Variants in IGF2BP2 observed in about 807,000 individuals in gnomAD.
IGF2BP2 encodes the protein insulin like growth factor 2 mRNA binding protein 2, also known as insulin-like growth factor 2 mRNA-binding protein 2.
A neutral mutation model predicts 75.8 loss-of-function variants in IGF2BP2; 17 were observed. The observed-to-expected ratio is 0.22, with a 90% CI of 0.15 to 0.34. The LOEUF (loss-of-function observed/expected upper bound fraction) is 0.34, where lower values mean the gene tolerates loss of function less well. Ranked by LOEUF, IGF2BP2 falls within the 10% of genes least tolerant of loss-of-function variation. IGF2BP2 has a pLI of 1.00. For missense variants in IGF2BP2, 516 were observed against 772.4 expected (o/e 0.67, Z 3.93); for synonymous variants, 288 against 295.6 (o/e 0.97, Z 0.26).
chr3:185,699,836 C>T (rs1006246641), intron 2 of IGF2BP2, among the ~76,000 whole-genome samples: 1 of 152,092 alleles, frequency 6.6e-6, no homozygotes, highest in Non-Finnish European at 1.5e-5. Flanking sequence ...AGAGGCTTTC[C>T]CCAAGACATC....
chr3:185,744,821 A>G (rs1183954172), intron 2 of IGF2BP2, among the ~76,000 whole-genome samples: 1 of 152,196 alleles, frequency 6.6e-6, no homozygotes, highest in Non-Finnish European at 1.5e-5. Flanking sequence ...AAAAGAAAAA[A>G]TTGGAATCAC....
chr3:185,680,914 A>G (rs1051550853), intron 7 of IGF2BP2, among the ~76,000 whole-genome samples: 3 of 152,228 alleles, frequency 2.0e-5, no homozygotes, highest in African/African-American at 7.2e-5. Flanking sequence ...ACACCCAACA[A>G]AATTAGGAAT....
At chr3:185,805,835 G>A (rs1738953452) in intron 2 of IGF2BP2, among the ~76,000 whole-genome samples, 1 of 149,658 alleles carries the variant, frequency 6.7e-6, no homozygotes, top group Non-Finnish European at 1.5e-5. Context: ...GCAGTGGCGT[G>A]ATCTCGGCTC....
chr3:185,762,064 T>C (rs1238338192), intron 2 of IGF2BP2, among the ~76,000 whole-genome samples: 2 of 152,020 alleles, frequency 1.3e-5, no homozygotes, highest in African/African-American at 4.8e-5. Context: ...TAGTGTTGGG[T>C]GGTGTGGGTG....
chr3:185,652,542 A>T (rs1446459120), intron 12 of IGF2BP2, among the ~76,000 whole-genome samples: 2 of 152,170 alleles, frequency 1.3e-5, no homozygotes, highest in Admixed American at 6.5e-5. Flanking sequence ...TAGGGCCCAA[A>T]GGGAAGGAAG....
chr3:185,678,953 TG>T (rs1007426172), intron 7 of IGF2BP2, among the ~76,000 whole-genome samples: 28 of 152,346 alleles, frequency 1.8e-4, no homozygotes, highest in African/African-American at 6.5e-4. Flanking sequence ...TCCTCTCTTG[TG>T]GTTACCATTT....
rs1197807387 is a variant in IGF2BP2, at chr3:185,764,975, G to C, written c.239+58178C>G. Reference sequence around the variant, plus strand: ...TGTTTATTATTTTGCTTGCAAACAGGCTGGGTCCAGTGTTTTACTTTCTTC... The same window carrying C: ...TGTTTATTATTTTGCTTGCAAACAGCCTGGGTCCAGTGTTTTACTTTCTTC... On this transcript the variant is annotated intron_variant, in intron 2 of 15. Transcript: ENST00000382199. 2.6e-5 allele frequency among the ~76,000 whole-genome samples: 4 copies of C among 152,274 alleles called. No homozygotes were observed. The East Asian group carries it at 7.7e-4, about 29-fold the overall frequency.
intron 2 of IGF2BP2, among the ~76,000 whole-genome samples, chr3:185,751,125 A>C (rs1395652007): frequency 6.6e-6 from 1 of 152,216 alleles, no homozygotes; most frequent in Non-Finnish European, 1.5e-5. Flanking sequence ...AGGCACAAGA[A>C]CCACTTGAAC....
At chr3:185,801,266 G>T (rs1366399582) in intron 2 of IGF2BP2, among the ~76,000 whole-genome samples, 1 of 152,134 alleles carries the variant, frequency 6.6e-6, no homozygotes, top group Non-Finnish European at 1.5e-5. Context: ...GAGGCAGGTG[G>T]ATCACTTGAG....
intron 2 of IGF2BP2, among the ~76,000 whole-genome samples, chr3:185,784,002 AG>A (rs1419934002): frequency 1.3e-5 from 2 of 152,194 alleles, no homozygotes; most frequent in African/African-American, 4.8e-5. Context: ...TGGGAGGCCA[AG>A]GCAGGCAGAT....
At chr3:185,769,924 A>G (rs1485404230) in intron 2 of IGF2BP2, among the ~76,000 whole-genome samples, 1 of 151,794 alleles carries the variant, frequency 6.6e-6, no homozygotes, top group Non-Finnish European at 1.5e-5. Flanking sequence ...CTTACTATCT[A>G]TTAGGCAAAA....
chr3:185,685,878 C>T (rs969053314), intron 7 of IGF2BP2, among the ~76,000 whole-genome samples: 13 of 152,270 alleles, frequency 8.5e-5, no homozygotes, highest in South Asian at 2.1e-4. Flanking sequence ...TCCTAGCCTC[C>T]GGCGATCTTC....
intron 2 of IGF2BP2, among the ~76,000 whole-genome samples, chr3:185,797,881 G>C (rs1737644893): frequency 7.5e-6 from 1 of 133,650 alleles, no homozygotes; most frequent in South Asian, 2.6e-4. Flanking sequence ...GAGTGACAGA[G>C]TGAGACCCTG....
At chr3:185,770,710 A>G (rs1733758651) in intron 2 of IGF2BP2, among the ~76,000 whole-genome samples, 1 of 152,200 alleles carries the variant, frequency 6.6e-6, no homozygotes, top group Admixed American at 6.5e-5. Context: ...TCAGAGCAGC[A>G]CAAAGAGACT....
rs905060910 is a variant in IGF2BP2, at chr3:185,645,775, C to T, written c.1708-152G>A. Reference sequence around the variant, plus strand: ...ACCCACCCCCGCACGTTACTCCAGGCCCTTTTCTGCCTGGAAGTAAGTGGC... The same window carrying T: ...ACCCACCCCCGCACGTTACTCCAGGTCCTTTTCTGCCTGGAAGTAAGTGGC... On this transcript the variant is annotated intron_variant, in intron 15 of 15. Coordinates refer to ENST00000382199, the MANE Select transcript of IGF2BP2 (RefSeq NM_006548.6). This position sits in a 1 kb window ranked among gnomAD's most constrained non-coding sequence, Gnocchi z 4.9. 2 of 622,200 alleles carry T rather than the reference C, an allele frequency of 3.2e-6. No homozygotes were observed. The highest frequency in any genetic ancestry group is 5.9e-6 in the Non-Finnish European group (2 of 340,702). 38.5% of individuals were successfully genotyped at this position (622,200 alleles called of 1,614,324 possible). A position where few individuals can be genotyped will look rare whatever the true frequency, so the allele number is the denominator to read the frequency against.
chr3:185,793,070 G>A (rs756531085), intron 2 of IGF2BP2, among the ~76,000 whole-genome samples: 3 of 152,160 alleles, frequency 2.0e-5, no homozygotes, highest in Non-Finnish European at 4.4e-5. Context: ...CATTACAGGG[G>A]TGGTTACAAA....
chr3:185,809,888 T>C (rs1739565503), intron 2 of IGF2BP2, among the ~76,000 whole-genome samples: 2 of 152,170 alleles, frequency 1.3e-5, no homozygotes, highest in Non-Finnish European at 2.9e-5. Flanking sequence ...GGTGCACCTG[T>C]CCAAAGAAAA....
chr3:185,735,935 G>A (rs1728797357), intron 2 of IGF2BP2, among the ~76,000 whole-genome samples: 1 of 152,182 alleles, frequency 6.6e-6, no homozygotes, highest in Non-Finnish European at 1.5e-5. Context: ...GAGAAGATTA[G>A]TTTATAAACT....
At chr3:185,747,771 C>G (rs1730438174) in intron 2 of IGF2BP2, among the ~76,000 whole-genome samples, 1 of 151,816 alleles carries the variant, frequency 6.6e-6, no homozygotes, top group Non-Finnish European at 1.5e-5. Flanking sequence ...TGAGAATGTC[C>G]CAAACATGGT....
Sources: gnomAD v4.1 joint callset for allele counts (sites outside exome capture counted in the v4.1 genomes callset) on GRCh38, gnomAD v4.1.1 for gene constraint, Gnocchi (gnomAD v3.1) non-coding constraint, MANE v1.5 for transcripts, NCBI Gene and HGNC (gene_info 2026-07-23, HGNC 2026-07-21) for gene names.